MYCBPAP: variants seen among roughly 807,000 people sequenced by gnomAD.
MYCBPAP encodes the protein MYCBP associated protein, also known as MYCBP-associated protein.
MYCBPAP carries 60 observed loss-of-function variants against 106.1 expected under a neutral mutation model. The ratio of observed to expected loss-of-function variants is 0.57; its 90% CI spans 0.46 to 0.70. The LOEUF is 0.70. MYCBPAP is among the 30% of genes least tolerant of loss of function. The pLI, the probability that MYCBPAP is intolerant of heterozygous loss-of-function variation, is 0.00. For missense variants in MYCBPAP, 1,064 were observed against 1,169.3 expected (o/e 0.91, Z 1.31); for synonymous variants, 407 against 440.6 (o/e 0.92, Z 0.95).
chr17:50,518,072 C>T (rs139721494), intron 4 of MYCBPAP, among the ~76,000 whole-genome samples: 24 of 152,350 alleles, frequency 1.6e-4, no homozygotes, highest in Admixed American at 5.2e-4. Flanking sequence ...CCTCAGTCCA[C>T]GTGGTGGAGG....
chr17:50,525,597 C>T (rs1162371494), intron 13 of MYCBPAP, among the ~76,000 whole-genome samples: 1 of 151,930 alleles, frequency 6.6e-6, no homozygotes, highest in Non-Finnish European at 1.5e-5. Context: ...GGTGATCCTC[C>T]CACCTCAGCC....
chr17:50,513,217 T>C, intron 1 of MYCBPAP, among the ~76,000 whole-genome samples: 4 of 27,522 alleles, frequency 1.5e-4, no homozygotes, highest in African/African-American at 8.4e-4. Flanking sequence ...AAACTCCATC[T>C]CAAAAAAAAA....
intron 17 of MYCBPAP, 55 bp from the exon 18 acceptor site, chr17:50,528,963 C>G: frequency 6.2e-7 from 1 of 1,600,098 alleles, no homozygotes; most frequent in Non-Finnish European, 8.5e-7. Context: ...TTGAGGACAT[C>G]CTTGGCCTAC....
chr17:50,524,630 C>T (rs1024089990), intron 12 of MYCBPAP, among the ~76,000 whole-genome samples: 51 of 151,998 alleles, frequency 3.4e-4, no homozygotes, highest in African/African-American at 1.2e-3. Context: ...TGGAACTGGC[C>T]CTCCTCTGGA....
chr17:50,522,709 A>AAAAAATATATATATATATAT, intron 10 of MYCBPAP: 2 of 50,038 alleles, frequency 4.0e-5, no homozygotes, highest in African/African-American at 2.4e-4. Context: ...AAAAAAAAAA[A>AAAAAATATATATATATATAT]ATATATATAT....
At chr17:50,529,442 C>G (rs547961920) in intron 18 of MYCBPAP, 4 of 456,214 alleles carry the variant, frequency 8.8e-6, no homozygotes, top group African/African-American at 7.9e-5. Context: ...TGACAACCCA[C>G]AAAGATTTGA....
At chr17:50,520,999 A>T in intron 7 of MYCBPAP, 111 bp from the exon 8 acceptor site, 1 of 796,258 alleles carries the variant, frequency 1.3e-6, no homozygotes. Flanking sequence ...CTGTATTTTT[A>T]GTCCTTCCTA....
At chr17:50,512,377 C>T (rs992193940) in intron 1 of MYCBPAP, among the ~76,000 whole-genome samples, 3 of 152,212 alleles carry the variant, frequency 2.0e-5, no homozygotes, top group South Asian at 2.1e-4. Context: ...TCTGTGTTAT[C>T]GTGCCACTCA....
In MYCBPAP at chr17:50,523,615, A is replaced by G. The variant is rs2143968629; in HGVS notation, c.1466A>G (p.Glu489Gly). Residue 489 changes from glutamate (E) to glycine (G), a missense_variant, in exon 12 of 19, where the codon GAA becomes GGA. By Grantham distance (98) the Glu-to-Gly change is moderately conservative. Coordinates refer to ENST00000323776, the MANE Select transcript of MYCBPAP (RefSeq NM_032133.6). ...CTCTCAGGTGTGATTCTGCCTGGAG[A>G]AATTAAAACATTTACCTTCTTCTTC... ...DNREGVILPG[E>G]IKTFTFFFKS... The G allele has an allele frequency of 1.2e-6, 2 of 1,614,104 alleles. No individual in the cohort carries two copies. The highest frequency in any genetic ancestry group is 4.5e-5 in the East Asian group (2 of 44,884).
At chr17:50,507,885 A>AG (rs2033674892), upstream of MYCBPAP, among the ~76,000 whole-genome samples, 2 of 152,216 alleles carry the variant, frequency 1.3e-5, no homozygotes, top group African/African-American at 4.8e-5. Context: ...TCAGGGCTCC[A>AG]GGGGAAGGCG....
chr17:50,527,322 G>A lies in MYCBPAP; in HGVS notation c.2205G>A (p.Glu735=). The change falls in exon 15 of 19, where the codon GAG becomes GAA. Residue 735 remains glutamate (E), a synonymous_variant. Coordinates refer to ENST00000323776, the MANE Select transcript of MYCBPAP (RefSeq NM_032133.6). Reference sequence around the variant, plus strand: ...TGCTCCCTGATGAGAACCACAGAGAGGATGCGTTGATGAGGCTCAACAAAG... The same window carrying A: ...TGCTCCCTGATGAGAACCACAGAGAAGATGCGTTGATGAGGCTCAACAAAG... The part of the protein sequence containing the change: ...VMVLPDENHR[E]DALMRLNKAA... 6.2e-7 allele frequency: 1 copy of A among 1,614,140 alleles called. No individual in the cohort carries two copies. Among genetic ancestry groups the A allele is most frequent in the Non-Finnish European group, 8.5e-7 (1 of 1,180,016 alleles).
chr17:50,508,750 G>C lies in MYCBPAP; in HGVS notation c.76G>C (p.Glu26Gln). ...RLLEASENVK[E>Q]KKRAKGPEQP... ...ATTAGAGGCCTCAGAGAATGTCAAA[G>C]GTTGGCGCTGGCTGCCTTGGGCGCT... The change falls in exon 1 of 19, where the codon GAA becomes CAA. Residue 26 changes from glutamate to glutamine, a missense_variant and splice_region_variant. Coordinates refer to ENST00000323776, the MANE Select transcript of MYCBPAP (RefSeq NM_032133.6). The C allele has an allele frequency of 1.2e-6, 2 of 1,608,282 alleles. No homozygotes were observed. Among genetic ancestry groups the C allele is most frequent in the Non-Finnish European group, 1.7e-6 (2 of 1,176,802 alleles).
intron 13 of MYCBPAP, among the ~76,000 whole-genome samples, chr17:50,525,538 G>A (rs1026192648): frequency 3.9e-5 from 6 of 152,024 alleles, no homozygotes; most frequent in Non-Finnish European, 8.8e-5. Context: ...CCAGGCCAGA[G>A]TACAGTGTCC....
Position 50,518,715 on chromosome 17 carries a change from G to T in MYCBPAP, c.643G>T (p.Ala215Ser). The T allele has an allele frequency of 6.3e-7, 1 of 1,582,374 alleles. No individual in the cohort carries two copies. Among genetic ancestry groups the T allele is most frequent in the East Asian group, 2.2e-5 (1 of 44,688 alleles). ...NTALRKKQQE[A>S]LSEHLKKPVS... ...AGCCCTGCGGAAGAAGCAGCAGGAA[G>T]CCCTCAGCGGTGAGCAGAGCAGACA... The change falls in exon 5 of 19, where the codon GCC becomes TCC. Residue 215 changes from alanine (A) to serine (S), a missense_variant. Transcript: ENST00000323776.
chr17:50,519,210 C>A, intron 6 of MYCBPAP, 121 bp downstream of exon 6: 1 of 675,384 alleles, frequency 1.5e-6, no homozygotes, highest in Non-Finnish European at 2.5e-6. Context: ...AAAAACCTAT[C>A]CATTGCAAAA....
Position 50,525,922 on chromosome 17 carries a change from G to A in MYCBPAP, c.1824G>A (p.Leu608=), listed in dbSNP as rs1450945598. The part of the protein sequence containing the change: ...EHQVVQSLHQ[L]WRQYMTLPAK... ...AAGTGGTGCAAAGCCTGCACCAACTGTGGCGCCAGTACATGACCCTGCCCG... is the reference window on the plus strand; with the variant it reads ...AAGTGGTGCAAAGCCTGCACCAACTATGGCGCCAGTACATGACCCTGCCCG... The change falls in exon 14 of 19, where the codon CTG becomes CTA. Residue 608 remains leucine, a synonymous_variant. Transcript: ENST00000323776. The A allele has an allele frequency of 2.5e-6, 4 of 1,612,942 alleles. No individual in the cohort carries two copies. Among genetic ancestry groups the A allele is most frequent in the Non-Finnish European group, 3.4e-6 (4 of 1,179,858 alleles).
chr17:50,509,536 CTGTG>C (rs71353648), intron 1 of MYCBPAP: 4,882 of 151,072 alleles, frequency 0.032, 99 homozygotes, highest in Non-Finnish European at 0.036. Flanking sequence ...CTTTTTTTTT[CTGTG>C]TGTGTGTGTG....
At position 50,519,714 on chromosome 17, in the gene MYCBPAP, G is replaced by T; in HGVS notation, c.843G>T (p.Lys281Asn). 1 of 1,614,170 alleles carries T rather than the reference G, an allele frequency of 6.2e-7. No individual in the cohort carries two copies. The highest frequency in any genetic ancestry group is 8.5e-7 in the Non-Finnish European group (1 of 1,180,022). ...AGATGACAGGTCTGGTCATGACCAAGACAAAAACTCAGCGTGGCCTCATGG... is the reference window on the plus strand; with the variant it reads ...AGATGACAGGTCTGGTCATGACCAATACAAAAACTCAGCGTGGCCTCATGG... Reference protein sequence around the residue: ...GDEMTGLVMTKTKTQRGLMEP... With the variant: ...GDEMTGLVMTNTKTQRGLMEP... Residue 281 changes from lysine to asparagine, a missense_variant, in exon 7 of 19, where the codon AAG becomes AAT. Lys to Asn is a moderately conservative substitution (Grantham distance 94, BLOSUM62 0). Transcript: ENST00000323776.
At position 50,521,147 on chromosome 17, in the gene MYCBPAP, C is replaced by T. The variant is rs764320773; in HGVS notation, c.954C>T (p.Thr318=). The change falls in exon 8 of 19, where the codon ACC becomes ACT. Residue 318 remains threonine (T), a synonymous_variant. Coordinates refer to ENST00000323776, the MANE Select transcript of MYCBPAP (RefSeq NM_032133.6). ...PAQRDASYRY[T]WDRSLFLIYR... Reference sequence around the variant, plus strand: ...AGAGGGACGCTTCATACCGCTACACCTGGGATCGGAGTCTGTTTCTGATCT... The same window carrying T: ...AGAGGGACGCTTCATACCGCTACACTTGGGATCGGAGTCTGTTTCTGATCT... 4 of 1,613,686 alleles carry T rather than the reference C, an allele frequency of 2.5e-6. 1 individual carries two copies. The South Asian group carries it at 4.4e-5, about 18-fold the overall frequency.
Sources: gnomAD v4.1 joint callset for allele counts (sites outside exome capture counted in the v4.1 genomes callset) on GRCh38, gnomAD v4.1.1 for gene constraint, MANE v1.5 for transcripts, NCBI Gene and HGNC (gene_info 2026-07-23, HGNC 2026-07-21) for gene names.